Variants in CMSS1 observed in about 807,000 individuals in gnomAD.
The protein encoded by CMSS1 is protein CMSS1.
Under a neutral mutation model 43.5 loss-of-function variants are expected in CMSS1, and 33 were observed. That is an observed-to-expected ratio of 0.76 (90% CI 0.57 to 1.01). The LOEUF (loss-of-function observed/expected upper bound fraction) is 1.01, where lower values mean the gene tolerates loss of function less well. Among genes scored for constraint, CMSS1 ranks in the 50% least tolerant of loss-of-function variants. CMSS1 has a pLI of 0.00. For missense variants in CMSS1, 313 were observed against 326.4 expected (o/e 0.96, Z 0.32); for synonymous variants, 115 against 117.2 (o/e 0.98, Z 0.12).
chr3:100,116,648 C>T (rs1272481841), intron 1 of CMSS1, among the ~76,000 whole-genome samples: 1 of 152,198 alleles, frequency 6.6e-6, no homozygotes, highest in African/African-American at 2.4e-5. Context: ...ATCTGTTGCT[C>T]TGTCTATTTA....
chr3:100,068,476 A>G (rs190919322), intron 1 of CMSS1, among the ~76,000 whole-genome samples: 296 of 152,250 alleles, frequency 1.9e-3, no homozygotes, highest in Non-Finnish European at 3.3e-3. Context: ...TTCTTTAACA[A>G]TTTAATGTAA....
chr3:100,181,577 T>C lies in CMSS1; in HGVS notation c.*3189T>C, dbSNP rs2067184663. The stretch of plus-strand genomic sequence containing the variant: ...TTAGTTGTTGTATCTTTTTGGTTTC[T>C]TCAGACCAGTGACAGTTCCTCAGTA... On this transcript the variant is annotated 3_prime_UTR_variant, in exon 10 of 10. Coordinates refer to ENST00000421999, the MANE Select transcript of CMSS1 (RefSeq NM_032359.4). 6.6e-6 allele frequency: 1 copy of C among 152,262 alleles called. No individual in the cohort carries two copies. The highest frequency in any genetic ancestry group is 6.5e-5 in the Admixed American group (1 of 15,290). 9.4% of individuals were successfully genotyped at this position (152,262 alleles called of 1,614,324 possible). A position where few individuals can be genotyped will look rare whatever the true frequency, so the allele number is the denominator to read the frequency against.
rs116429269 is a variant in CMSS1 at position 100,021,550 on chromosome 3, G to A, written c.65-125423G>A. 3.6e-3 allele frequency among the ~76,000 whole-genome samples: 544 copies of A among 152,274 alleles called. 5 individuals are homozygous for A. The highest frequency in any genetic ancestry group is 0.013 in the African/African-American group (532 of 41,550). On this transcript the variant is annotated intron_variant, in intron 1 of 9. Transcript: ENST00000421999. The stretch of plus-strand genomic sequence containing the variant: ...CAGAAAGAACAGAGTCAAGAAAGGA[G>A]CTATCGTGAGCTCTTGAATTTGAAG...
At chr3:99,911,723 G>C (rs1164280751) in intron 1 of CMSS1, among the ~76,000 whole-genome samples, 1 of 152,076 alleles carries the variant, frequency 6.6e-6, no homozygotes, top group Non-Finnish European at 1.5e-5. Context: ...TCAGATCCTT[G>C]AGCACTCTTG....
At chr3:100,106,118 G>A (rs1331751612) in intron 1 of CMSS1, among the ~76,000 whole-genome samples, 1 of 152,062 alleles carries the variant, frequency 6.6e-6, no homozygotes, top group Non-Finnish European at 1.5e-5. Flanking sequence ...ACTGTCAATG[G>A]TAGACTAGGA....
intron 1 of CMSS1, among the ~76,000 whole-genome samples, chr3:99,943,596 C>T (rs563854443): frequency 3.9e-5 from 6 of 151,942 alleles, no homozygotes; most frequent in South Asian, 2.1e-4. Flanking sequence ...CCCAGCTACT[C>T]GGGAGGCTGA....
At chr3:100,025,645 T>C (rs772298837) in intron 1 of CMSS1, 4 of 152,190 alleles carry the variant, frequency 2.6e-5, no homozygotes, top group Non-Finnish European at 4.4e-5. Context: ...TGGGTTCATG[T>C]TATTTCTGTT....
At chr3:99,931,022 C>A in intron 1 of CMSS1, 1 of 1,612,272 alleles carries the variant, frequency 6.2e-7, no homozygotes, top group South Asian at 1.1e-5. Flanking sequence ...GGAACGCATT[C>A]TTTAAAGCCT....
At chr3:99,988,591 A>G (rs1709423985) in intron 1 of CMSS1, among the ~76,000 whole-genome samples, 2 of 151,876 alleles carry the variant, frequency 1.3e-5, no homozygotes, top group Non-Finnish European at 2.9e-5. Flanking sequence ...GGTTTCTCTT[A>G]TAAGAAAAAC....
chr3:99,991,951 T>TATATATGTGTGTATATATACAC (rs1553703632), intron 1 of CMSS1, among the ~76,000 whole-genome samples: 1 of 147,234 alleles, frequency 6.8e-6, no homozygotes, highest in African/African-American at 2.5e-5. Context: ...TATATATGTG[T>TATATATGTGTGTATATATACAC]ATATATGTGT....
At position 99,983,442 on chromosome 3, in the gene CMSS1, G is replaced by A. The variant is rs10936017; in HGVS notation, c.65-163531G>A. Among the ~76,000 whole-genome samples, 79 of 11,932 alleles carry A rather than the reference G, an allele frequency of 6.6e-3. 1 individual carries two copies. Among genetic ancestry groups the A allele is most frequent in the Middle Eastern group, 0.05 (1 of 20 alleles). 7.8% of individuals were successfully genotyped at this position (11,932 alleles called of 152,430 possible). On this transcript the variant is annotated intron_variant, in intron 1 of 9. Transcript: ENST00000421999. ...TATGTATGTATGTATGTATATATAT[G>A]TATGTATATATATATATGTGTGTAT...
intron 1 of CMSS1, among the ~76,000 whole-genome samples, chr3:100,012,957 G>A (rs748643499): frequency 1.2e-3 from 177 of 151,828 alleles, no homozygotes; most frequent in Non-Finnish European, 2.0e-3. Context: ...TTTTATGTAT[G>A]TATGTATTTA....
intron 1 of CMSS1, among the ~76,000 whole-genome samples, chr3:99,843,909 G>A (rs994055947): frequency 1.3e-5 from 2 of 152,156 alleles, no homozygotes; most frequent in African/African-American, 2.4e-5. Context: ...CACATGCGAG[G>A]GGTCTAGGCT....
At chr3:100,000,337 A>G (rs1709806766) in intron 1 of CMSS1, among the ~76,000 whole-genome samples, 1 of 152,104 alleles carries the variant, frequency 6.6e-6, no homozygotes, top group African/African-American at 2.4e-5. Context: ...TAACTTGTGT[A>G]TTTATTTGTT....
At chr3:99,911,711 A>G (rs1356111005) in intron 1 of CMSS1, among the ~76,000 whole-genome samples, 1 of 152,144 alleles carries the variant, frequency 6.6e-6, no homozygotes, top group African/African-American at 2.4e-5. Flanking sequence ...CCATCTTTCT[A>G]ATCAGATCCT....
At position 99,983,389 on chromosome 3, in the gene CMSS1, A is replaced by AATATGTATATATAT. The variant is rs1553702701; in HGVS notation, c.65-163580_65-163579insGTATATATATATAT. Reference sequence around the variant, plus strand: ...TCTCTACTTAAAAAATAAATAAATAAATATATATATATATATATATATATA... The same window carrying AATATGTATATATAT: ...TCTCTACTTAAAAAATAAATAAATAAATATGTATATATATATATATATATATATATATATATATA... On this transcript the variant is annotated intron_variant, in intron 1 of 9. Transcript: ENST00000421999. Among the ~76,000 whole-genome samples the AATATGTATATATAT allele has an allele frequency of 2.6e-3, 104 of 40,750 alleles. 7 individuals carry two copies. The highest frequency in any genetic ancestry group is 6.0e-3 in the Admixed American group (18 of 2,982). The allele number at this position is 40,750 out of a possible 152,430, so 26.7% of individuals were successfully genotyped here.
chr3:100,109,247 C>A (rs960527247), intron 1 of CMSS1, among the ~76,000 whole-genome samples: 90 of 151,984 alleles, frequency 5.9e-4, no homozygotes, highest in African/African-American at 2.1e-3. Flanking sequence ...TGAAAATCTG[C>A]AAGAATTCCA....
chr3:100,114,914 A>T (rs1236638771), intron 1 of CMSS1: 1 of 1,522,488 alleles, frequency 6.6e-7, no homozygotes, highest in Non-Finnish European at 8.8e-7. Context: ...TCAAACTTGA[A>T]TGCCTGCCTG....
chr3:99,834,203 T>A (rs1314022314), intron 1 of CMSS1, among the ~76,000 whole-genome samples: 1 of 152,236 alleles, frequency 6.6e-6, no homozygotes, highest in East Asian at 1.9e-4. Flanking sequence ...AGTTTTACGC[T>A]TTATACAGGA....
Sources: allele counts gnomAD v4.1 joint callset (sites outside exome capture counted in the v4.1 genomes callset), GRCh38; gene constraint gnomAD v4.1.1; transcripts MANE v1.5; gene names NCBI Gene and HGNC (gene_info 2026-07-23, HGNC 2026-07-21).